The following ZNF385B variants were observed in gnomAD, a reference collection of about 807,000 sequenced individuals.
The protein encoded by ZNF385B is zinc finger protein 533.
In ZNF385B, 23 loss-of-function variants were observed where a neutral mutation model predicts 39.2. That is an observed-to-expected ratio of 0.59 (90% confidence interval 0.42 to 0.83). ZNF385B has a LOEUF of 0.83. Ranked by LOEUF, ZNF385B falls within the 40% of genes least tolerant of loss-of-function variation. The pLI is 0.00. For synonymous variants in ZNF385B, 205 were observed against 222.6 expected (o/e 0.92, Z 0.70); for missense variants, 552 against 598.9 (o/e 0.92, Z 0.82).
intron 1 of ZNF385B, among the ~76,000 whole-genome samples, chr2:179,830,230 A>T (rs1332362967): frequency 6.6e-6 from 1 of 152,370 alleles, no homozygotes; most frequent in East Asian, 1.9e-4. Flanking sequence ...ACCATACTGT[A>T]TGCTGGTAAG....
At chr2:179,807,991 C>G (rs1240693062) in intron 1 of ZNF385B, among the ~76,000 whole-genome samples, 1 of 151,980 alleles carries the variant, frequency 6.6e-6, no homozygotes, top group Non-Finnish European at 1.5e-5. Context: ...AGTTAAACAA[C>G]ATACAAATAT....
rs557395630 is a variant in ZNF385B, at chr2:179,589,796, GT to G, written c.299-44828del. 5.2e-3 allele frequency among the ~76,000 whole-genome samples: 795 copies of G among 152,318 alleles called. 6 individuals carry two copies. Among genetic ancestry groups the G allele is most frequent in the Non-Finnish European group, 7.3e-3 (498 of 68,020 alleles). ...GTTTGTGAAAAGTCCCACTGTGCAT[GT>G]CTTATGGAAAGCTATGTATTGGGCC... On this transcript the variant is annotated intron_variant, in intron 3 of 9. Coordinates refer to ENST00000410066, the MANE Select transcript of ZNF385B (RefSeq NM_152520.6).
intron 3 of ZNF385B, among the ~76,000 whole-genome samples, chr2:179,764,089 T>C (rs1027136077): frequency 2.0e-5 from 3 of 152,184 alleles, no homozygotes; most frequent in African/African-American, 7.2e-5. Context: ...TATCCATTTC[T>C]TTTTTCTGCT....
intron 3 of ZNF385B, among the ~76,000 whole-genome samples, chr2:179,711,971 A>G (rs945580893): frequency 4.9e-5 from 7 of 144,140 alleles, no homozygotes; most frequent in African/African-American, 1.8e-4. Flanking sequence ...AGTCCCCTCG[A>G]TAAACTCTGT....
intron 3 of ZNF385B, among the ~76,000 whole-genome samples, chr2:179,659,678 C>A (rs1251230012): frequency 6.6e-6 from 1 of 152,028 alleles, no homozygotes; most frequent in Non-Finnish European, 1.5e-5. Context: ...TCACATAGAA[C>A]CAGTCCTTTT....
At chr2:179,510,831 A>G (rs2057625721) in intron 5 of ZNF385B, among the ~76,000 whole-genome samples, 1 of 152,196 alleles carries the variant, frequency 6.6e-6, no homozygotes, top group Non-Finnish European at 1.5e-5. Flanking sequence ...AAGAAATGTG[A>G]TAGTTTAGAA....
At chr2:179,625,594 G>C (rs1690586954) in intron 3 of ZNF385B, among the ~76,000 whole-genome samples, 1 of 152,008 alleles carries the variant, frequency 6.6e-6, no homozygotes. Context: ...ACAATAATCA[G>C]TTAGTAAGTA....
chr2:179,697,859 C>A (rs1037081827), intron 3 of ZNF385B, among the ~76,000 whole-genome samples: 2 of 151,990 alleles, frequency 1.3e-5, no homozygotes, highest in Non-Finnish European at 2.9e-5. Flanking sequence ...TACTATGCAG[C>A]CATAAAAAAG....
rs188567595 is a variant in ZNF385B, at chr2:179,477,718, A to G, written c.715+5554T>C. Among the ~76,000 whole-genome samples, 253 of 152,264 alleles carry G rather than the reference A, an allele frequency of 1.7e-3. 1 individual carries two copies. Among genetic ancestry groups the G allele is most frequent in the African/African-American group, 5.8e-3 (242 of 41,526 alleles). Reference sequence around the variant, plus strand: ...TAGACATGTAAAGTCTGTAACTGTCAAGCAGGAACTTTGAGAATATTTATC... The same window carrying G: ...TAGACATGTAAAGTCTGTAACTGTCGAGCAGGAACTTTGAGAATATTTATC... On this transcript the variant is annotated intron_variant, in intron 6 of 9. Coordinates refer to ENST00000410066, the MANE Select transcript of ZNF385B (RefSeq NM_152520.6).
chr2:179,823,854 G>A (rs1053823188), intron 1 of ZNF385B, among the ~76,000 whole-genome samples: 1 of 152,052 alleles, frequency 6.6e-6, no homozygotes, highest in African/African-American at 2.4e-5. Flanking sequence ...ACAATGGTTT[G>A]CAGTTATTTT....
At chr2:179,644,219 C>A (rs1692515811) in intron 3 of ZNF385B, among the ~76,000 whole-genome samples, 1 of 152,078 alleles carries the variant, frequency 6.6e-6, no homozygotes, top group Admixed American at 6.6e-5. Context: ...TATTTTGAAG[C>A]TCGCTTTGTT....
intron 3 of ZNF385B, among the ~76,000 whole-genome samples, chr2:179,680,392 T>C (rs1697409071): frequency 6.6e-6 from 1 of 152,160 alleles, no homozygotes; most frequent in African/African-American, 2.4e-5. Context: ...ATACATATTG[T>C]ATAATTCCAT....
chr2:179,735,131 A>G (rs1701659016), intron 3 of ZNF385B, among the ~76,000 whole-genome samples: 1 of 152,228 alleles, frequency 6.6e-6, no homozygotes, highest in South Asian at 2.1e-4. Flanking sequence ...CAACCCACTC[A>G]TCTGACAAAG....
intron 3 of ZNF385B, among the ~76,000 whole-genome samples, chr2:179,619,264 A>G (rs1432366071): frequency 6.6e-6 from 1 of 152,230 alleles, no homozygotes; most frequent in African/African-American, 2.4e-5. Context: ...GAAGCTGATA[A>G]TAGCCAATAC....
chr2:179,472,760 C>T (rs541158171), intron 6 of ZNF385B, among the ~76,000 whole-genome samples: 1 of 151,764 alleles, frequency 6.6e-6, no homozygotes, highest in African/African-American at 2.4e-5. Flanking sequence ...TGGATCATAC[C>T]CCCCCTCCCT....
At chr2:179,529,840 C>A (rs2059146847) in intron 4 of ZNF385B, among the ~76,000 whole-genome samples, 1 of 152,006 alleles carries the variant, frequency 6.6e-6, no homozygotes, top group Non-Finnish European at 1.5e-5. Context: ...TAAATATGAA[C>A]AAAACTGGTT....
At chr2:179,541,534 A>T (rs2059918800) in intron 4 of ZNF385B, among the ~76,000 whole-genome samples, 1 of 152,168 alleles carries the variant, frequency 6.6e-6, no homozygotes, top group African/African-American at 2.4e-5. Flanking sequence ...TTCTGATAAT[A>T]ATTATAAGAT....
chr2:179,687,119 G>A lies in ZNF385B; in HGVS notation c.298+82384C>T, dbSNP rs911354654. Among the ~76,000 whole-genome samples the A allele has an allele frequency of 4.0e-5, 6 of 151,502 alleles. No individual in the cohort carries two copies. In the East Asian group the frequency reaches 1.2e-3, roughly 29 times the overall value. On this transcript the variant is annotated intron_variant, in intron 3 of 9. Coordinates refer to ENST00000410066, the MANE Select transcript of ZNF385B (RefSeq NM_152520.6). ...ACCTTCTACTCTGATATTATTTGGT[G>A]TGACTAAGAGCTGTCAAGAATACCC...
At chr2:179,721,422 C>G (rs1007443793) in intron 3 of ZNF385B, among the ~76,000 whole-genome samples, 3 of 151,986 alleles carry the variant, frequency 2.0e-5, no homozygotes, top group Non-Finnish European at 4.4e-5. Flanking sequence ...AATTCAATCT[C>G]ACAAATTTTC....
Sources: gnomAD v4.1 joint callset for allele counts (sites outside exome capture counted in the v4.1 genomes callset) on GRCh38, gnomAD v4.1.1 for gene constraint, MANE v1.5 for transcripts, NCBI Gene and HGNC (gene_info 2026-07-23, HGNC 2026-07-21) for gene names.